The following TMEM131 variants were observed in gnomAD, a reference collection of about 807,000 sequenced individuals.
TMEM131 encodes the protein 2610524E03Rik.
In TMEM131, 66 loss-of-function variants were observed where a neutral mutation model predicts 211.6. The ratio of observed to expected loss-of-function variants is 0.31; its 90% CI spans 0.26 to 0.38. The LOEUF (loss-of-function observed/expected upper bound fraction) is 0.38, where lower values mean the gene tolerates loss of function less well. Ranked by LOEUF, TMEM131 falls within the 10% of genes least tolerant of loss-of-function variation. The probability of loss-of-function intolerance (pLI) is 1.00; values close to 1 mark genes in which losing one functional copy is unlikely to be tolerated. For missense variants in TMEM131, 2,036 were observed against 2,299.3 expected (o/e 0.89, Z 2.34); for synonymous variants, 844 against 841.3 (o/e 1.00, Z -0.06).
At chr2:97,838,468 G>A (rs147527372) in intron 7 of TMEM131, among the ~76,000 whole-genome samples, 41,834 of 123,016 alleles carry the variant, frequency 0.34, 7,749 homozygotes, top group Non-Finnish European at 0.39. Context: ...TTTTTGAGAC[G>A]GAGTCTCGCC....
chr2:97,759,690 G>T lies in TMEM131; in HGVS notation c.5168C>A (p.Ser1723Ter). Residue 1723 changes from serine to a stop codon, truncating the protein, a stop_gained, in exon 39 of 41, where the codon TCG (serine) becomes TAG (stop). Transcript: ENST00000186436. LOFTEE classifies it high-confidence loss of function. ...PSSPDFTPLNSFSAFGNSFNL... is the reference protein window; with the variant it reads ...PSSPDFTPLN Reference sequence around the variant, plus strand: ...AAAAGAGTTTCCAAAGGCGGAGAACGAATTGAGGGGAGTGAAGTCAGGGCT... The same window carrying T: ...AAAAGAGTTTCCAAAGGCGGAGAACTAATTGAGGGGAGTGAAGTCAGGGCT... 6.2e-7 allele frequency: 1 copy of T among 1,613,716 alleles called. No homozygotes were observed. Among genetic ancestry groups the T allele is most frequent in the South Asian group, 1.1e-5 (1 of 90,970 alleles).
chr2:97,842,569 AGT>A (rs1205984957), intron 6 of TMEM131, among the ~76,000 whole-genome samples: 2 of 151,920 alleles, frequency 1.3e-5, no homozygotes, highest in Non-Finnish European at 2.9e-5. Flanking sequence ...GTTGGGGGAG[AGT>A]GGAGGGCATT....
intron 1 of TMEM131, among the ~76,000 whole-genome samples, chr2:97,931,648 G>A (rs1265504526): frequency 6.6e-6 from 1 of 152,164 alleles, no homozygotes; most frequent in East Asian, 1.9e-4. Flanking sequence ...GGTTGTCATT[G>A]CATATCTTTA....
chr2:97,907,318 T>C (rs1234237927), intron 3 of TMEM131: 1 of 152,210 alleles, frequency 6.6e-6, no homozygotes, highest in Non-Finnish European at 1.5e-5. Flanking sequence ...AAGGGCCATG[T>C]TACTGCAGAG....
At chr2:97,911,652 A>G in intron 2 of TMEM131, 3 of 985,378 alleles carry the variant, frequency 3.0e-6, no homozygotes, top group Non-Finnish European at 3.6e-6. Flanking sequence ...AAAGATAAGC[A>G]GATACTCAAT....
chr2:97,805,765 A>G, intron 19 of TMEM131, 62 bp from the exon 20 acceptor site: 1 of 1,433,844 alleles, frequency 7.0e-7, no homozygotes, highest in South Asian at 1.4e-5. Flanking sequence ...TAAGATCACA[A>G]GTTTCAGAGT....
At chr2:97,870,373 A>G (rs1169209895) in intron 4 of TMEM131, among the ~76,000 whole-genome samples, 1 of 152,170 alleles carries the variant, frequency 6.6e-6, no homozygotes, top group African/African-American at 2.4e-5. Flanking sequence ...TTAAAAATAA[A>G]ACAAAGATTT....
At chr2:97,872,975 G>A (rs2105229877) in intron 4 of TMEM131, among the ~76,000 whole-genome samples, 1 of 152,346 alleles carries the variant, frequency 6.6e-6, no homozygotes, top group East Asian at 1.9e-4. Flanking sequence ...ATGGAGCCCA[G>A]CAAACTAAGA....
At chr2:97,977,448 T>C (rs868608030) in intron 1 of TMEM131, among the ~76,000 whole-genome samples, 1 of 152,116 alleles carries the variant, frequency 6.6e-6, no homozygotes, top group Non-Finnish European at 1.5e-5. Flanking sequence ...ACAATTAAAA[T>C]TACAATGAAA....
At chr2:97,801,113 G>A (rs112787989) in intron 25 of TMEM131, among the ~76,000 whole-genome samples, 1 of 152,192 alleles carries the variant, frequency 6.6e-6, no homozygotes, top group Non-Finnish European at 1.5e-5. Context: ...GAACTACAAG[G>A]GATCTGGTTT....
At chr2:97,834,497 G>C (rs1431683767) in intron 10 of TMEM131, 124 bp downstream of exon 10, 1 of 794,368 alleles carries the variant, frequency 1.3e-6, no homozygotes, top group Non-Finnish European at 1.9e-6. Context: ...ATTTGTACAA[G>C]ATCATGCAAC....
At chr2:97,995,004 G>T (rs1042264423) in intron 1 of TMEM131, among the ~76,000 whole-genome samples, 2 of 152,202 alleles carry the variant, frequency 1.3e-5, no homozygotes, top group African/African-American at 2.4e-5. Flanking sequence ...GACACTAAAG[G>T]AGGAAGCTAC....
At chr2:97,985,081 C>G (rs1414465981) in intron 1 of TMEM131, among the ~76,000 whole-genome samples, 1 of 152,054 alleles carries the variant, frequency 6.6e-6, no homozygotes, top group African/African-American at 2.4e-5. Flanking sequence ...AACTAAAACT[C>G]TTTAAAAATA....
intron 5 of TMEM131, among the ~76,000 whole-genome samples, chr2:97,855,687 G>A (rs1317821644): frequency 1.5e-4 from 22 of 142,748 alleles, no homozygotes; most frequent in African/African-American, 5.1e-4. Context: ...GTGACAGAGA[G>A]AGACCCTGTC....
At chr2:97,888,229 A>T (rs1675239909) in intron 3 of TMEM131, 109 bp from the exon 4 acceptor site, 8 of 805,140 alleles carry the variant, frequency 9.9e-6, no homozygotes, top group Non-Finnish European at 1.5e-5. Context: ...TTTAAGAAAA[A>T]TTGGGTCTAA....
chr2:97,959,397 C>T (rs1678714852), intron 1 of TMEM131, among the ~76,000 whole-genome samples: 1 of 152,124 alleles, frequency 6.6e-6, no homozygotes, highest in African/African-American at 2.4e-5. Context: ...CCACTGTGGT[C>T]CTGACTCTCA....
intron 2 of TMEM131, among the ~76,000 whole-genome samples, chr2:97,908,989 C>G (rs1379166864): frequency 1.3e-5 from 2 of 152,166 alleles, no homozygotes; most frequent in Admixed American, 6.5e-5. Context: ...TCGGACTGTT[C>G]CCTGCTCACT....
chr2:97,914,435 T>A (rs1676422954), intron 2 of TMEM131, among the ~76,000 whole-genome samples: 2 of 152,284 alleles, frequency 1.3e-5, no homozygotes, highest in African/African-American at 2.4e-5. Context: ...TCTACACAAT[T>A]TTCTCTGCTG....
chr2:97,913,603 G>T (rs140734691), intron 2 of TMEM131, among the ~76,000 whole-genome samples: 1 of 152,142 alleles, frequency 6.6e-6, no homozygotes, highest in Non-Finnish European at 1.5e-5. Flanking sequence ...GCTGAAGTTG[G>T]CTATATTATT....
Sources: gnomAD v4.1 joint callset for allele counts (sites outside exome capture counted in the v4.1 genomes callset) on GRCh38, gnomAD v4.1.1 for gene constraint, MANE v1.5 for transcripts, NCBI Gene and HGNC (gene_info 2026-07-23, HGNC 2026-07-21) for gene names.